MOCOS: variants seen among roughly 807,000 people sequenced by gnomAD.
MOCOS encodes the protein human molybdenum cofactor sulfurase.
Under a neutral mutation model 83.6 loss-of-function variants are expected in MOCOS, and 86 were observed. That is an observed-to-expected ratio of 1.03 (90% confidence interval 0.86 to 1.23). The LOEUF (loss-of-function observed/expected upper bound fraction) is 1.23, where lower values mean the gene tolerates loss of function less well. Among genes scored for constraint, MOCOS ranks in the 50% most tolerant of loss-of-function variants. The pLI, the probability that MOCOS is intolerant of heterozygous loss-of-function variation, is 0.00. For missense variants in MOCOS, 1,120 were observed against 1,126.9 expected (o/e 0.99, Z 0.09); for synonymous variants, 445 against 434.7 (o/e 1.02, Z -0.29).
In MOCOS at chr18:36,251,194, G is replaced by T; in HGVS notation, c.2075G>T (p.Ser692Ile). 6.2e-7 allele frequency: 1 copy of T among 1,613,630 alleles called. No individual in the cohort carries two copies. The highest frequency in any genetic ancestry group is 1.1e-5 in the South Asian group (1 of 91,062). ...TATGATTGTGGAGAAAAAATTTCAA[G>T]CTGGTTGTCAACATTTTTTGGCCGT... Reference protein sequence around the residue: ...STYDCGEKISSWLSTFFGRPC... With the variant: ...STYDCGEKISIWLSTFFGRPC... The change falls in exon 11 of 15, where the codon AGC becomes ATC. Residue 692 changes from serine to isoleucine, a missense_variant. Physicochemically the swap from Ser to Ile is moderately radical, Grantham distance 142 (BLOSUM62 -2). Transcript: ENST00000261326.
chr18:36,198,658 G>T, intron 2 of MOCOS, 32 bp from the exon 3 acceptor site: 1 of 1,611,552 alleles, frequency 6.2e-7, no homozygotes, highest in South Asian at 1.1e-5. Flanking sequence ...CCTAAGTAGT[G>T]ACTTGGTGGC....
intron 9 of MOCOS, among the ~76,000 whole-genome samples, chr18:36,244,415 A>T (rs2035218912): frequency 6.6e-6 from 1 of 152,032 alleles, no homozygotes; most frequent in African/African-American, 2.4e-5. Flanking sequence ...TTTAATTTCC[A>T]TGTCTTTGTA....
chr18:36,262,639 C>T (rs953287332), intron 13 of MOCOS, among the ~76,000 whole-genome samples: 1 of 152,106 alleles, frequency 6.6e-6, no homozygotes, highest in Non-Finnish European at 1.5e-5. Context: ...GCTGGGACTA[C>T]AGGCGTGCAC....
intron 2 of MOCOS, among the ~76,000 whole-genome samples, chr18:36,196,724 A>C (rs2091389198): frequency 6.6e-6 from 1 of 151,954 alleles, no homozygotes; most frequent in African/African-American, 2.4e-5. Context: ...GAGAGATGGC[A>C]GAGTTGAGAT....
chr18:36,208,447 ATTTG>A (rs1386750780), intron 6 of MOCOS, among the ~76,000 whole-genome samples: 2 of 151,966 alleles, frequency 1.3e-5, no homozygotes, highest in East Asian at 3.9e-4. Context: ...ATGTTTTTCC[ATTTG>A]TTTGTGTGGT....
intron 7 of MOCOS, 137 bp from the exon 8 acceptor site, chr18:36,215,379 G>T: frequency 1.2e-6 from 1 of 829,332 alleles, no homozygotes; most frequent in Non-Finnish European, 2.0e-6. Context: ...TGTCCCAGAC[G>T]CACAGCACAT....
Position 36,210,950 on chromosome 18 carries a change from C to T in MOCOS, c.1219-2416C>T, listed in dbSNP as rs895287448. On this transcript the variant is annotated intron_variant, in intron 6 of 14. Transcript: ENST00000261326. The stretch of plus-strand genomic sequence containing the variant: ...AAGAAGCCTCCAAGAAGAAGAATCA[C>T]CAGGGTGTGAGGCTGCCTGTGTGGG... Among the ~76,000 whole-genome samples, 11 of 149,616 alleles carry T rather than the reference C, an allele frequency of 7.4e-5. No individual in the cohort carries two copies. In the South Asian group the frequency reaches 2.4e-3, roughly 32 times the overall value.
At chr18:36,191,027 A>ACAAAAAAAAAG (rs2091363127) in intron 1 of MOCOS, among the ~76,000 whole-genome samples, 2 of 115,348 alleles carry the variant, frequency 1.7e-5, no homozygotes, top group East Asian at 6.8e-4. Context: ...TCTCAAAAAA[A>ACAAAAAAAAAG]AAAAGAAAAA....
At chr18:36,259,986 C>A in intron 12 of MOCOS, 51 bp from the exon 13 acceptor site, 2 of 1,607,694 alleles carry the variant, frequency 1.2e-6, no homozygotes, top group Non-Finnish European at 1.7e-6. Flanking sequence ...TATAGTGGTA[C>A]AATTATCTGC....
At chr18:36,224,453 G>A (rs1263448474) in intron 9 of MOCOS, among the ~76,000 whole-genome samples, 1 of 152,114 alleles carries the variant, frequency 6.6e-6, no homozygotes. Context: ...TTATCTTGAG[G>A]TAACATGTTC....
intron 8 of MOCOS, among the ~76,000 whole-genome samples, chr18:36,216,856 G>A (rs1205000025): frequency 6.6e-6 from 1 of 152,146 alleles, no homozygotes; most frequent in Non-Finnish European, 1.5e-5. Flanking sequence ...CACCAACATT[G>A]GGACAAATGA....
rs184841746 is a variant in MOCOS, at chr18:36,262,766, G to A, written c.2409+2591G>A. Among the ~76,000 whole-genome samples the A allele has an allele frequency of 3.3e-3, 508 of 152,246 alleles. 1 individual carries two copies. The highest frequency in any genetic ancestry group is 4.8e-3 in the Non-Finnish European group (329 of 68,022). ...TGCTAGCCTCAGCCTCCCAGTGTTGGGATTATAGGCATAGGCCACCACGCT... is the reference window on the plus strand; with the variant it reads ...TGCTAGCCTCAGCCTCCCAGTGTTGAGATTATAGGCATAGGCCACCACGCT... On this transcript the variant is annotated intron_variant, in intron 13 of 14. Coordinates refer to ENST00000261326, the MANE Select transcript of MOCOS (RefSeq NM_017947.4).
chr18:36,243,613 G>A lies in MOCOS; in HGVS notation c.1961-5309G>A, dbSNP rs530595971. Among the ~76,000 whole-genome samples, 63 of 152,110 alleles carry A rather than the reference G, an allele frequency of 4.1e-4. 1 individual carries two copies. The highest frequency in any genetic ancestry group is 1.5e-4 in the Non-Finnish European group (10 of 67,970). ...TGTCCTTTCCTGGTTTTGGTATTAG[G>A]GTGATACTGGCTTTATAGAATGATT... On this transcript the variant is annotated intron_variant, in intron 9 of 14. Coordinates refer to ENST00000261326, the MANE Select transcript of MOCOS (RefSeq NM_017947.4).
intron 9 of MOCOS, among the ~76,000 whole-genome samples, chr18:36,242,039 A>G (rs148703278): frequency 1.5e-3 from 236 of 152,362 alleles, no homozygotes; most frequent in African/African-American, 5.5e-3. Flanking sequence ...AGGATCTCTG[A>G]CATGCCCTGG....
intron 1 of MOCOS, among the ~76,000 whole-genome samples, chr18:36,193,564 T>A (rs1435907786): frequency 3.9e-5 from 6 of 152,070 alleles, no homozygotes; most frequent in Non-Finnish European, 7.4e-5. Context: ...GACCCCTACC[T>A]CATTCTGCAT....
At chr18:36,258,487 T>G (rs892363849) in intron 12 of MOCOS, among the ~76,000 whole-genome samples, 1 of 152,176 alleles carries the variant, frequency 6.6e-6, no homozygotes, top group Non-Finnish European at 1.5e-5. Flanking sequence ...GTGGTCCTCA[T>G]AGGTTGTGGG....
intron 8 of MOCOS, 35 bp from the exon 9 acceptor site, chr18:36,220,020 G>A: frequency 2.5e-6 from 4 of 1,611,948 alleles, no homozygotes; most frequent in East Asian, 2.2e-5. Flanking sequence ...ACTTTGGGGA[G>A]CCCTGGCCTG....
chr18:36,233,827 T>TA (rs1459493428), intron 9 of MOCOS, among the ~76,000 whole-genome samples: 5 of 152,196 alleles, frequency 3.3e-5, no homozygotes, highest in Non-Finnish European at 7.4e-5. Context: ...GCCATTTGTA[T>TA]ATCTTCTTTT....
chr18:36,219,724 A>G lies in MOCOS; in HGVS notation c.1798-331A>G, dbSNP rs2091488930. Among the ~76,000 whole-genome samples, 3 of 152,230 alleles carry G rather than the reference A, an allele frequency of 2.0e-5. No homozygotes were observed. In the South Asian group the frequency reaches 6.2e-4, roughly 32 times the overall value. On this transcript the variant is annotated intron_variant, in intron 8 of 14. Transcript: ENST00000261326. Reference sequence around the variant, plus strand: ...ACAAATTAAAAAACAGCAAAAAAAGAGCAATGGCTGGAGCCAGCTGGGAAA... The same window carrying G: ...ACAAATTAAAAAACAGCAAAAAAAGGGCAATGGCTGGAGCCAGCTGGGAAA...
Sources: gnomAD v4.1 joint callset for allele counts (sites outside exome capture counted in the v4.1 genomes callset) on GRCh38, gnomAD v4.1.1 for gene constraint, MANE v1.5 for transcripts, NCBI Gene and HGNC (gene_info 2026-07-23, HGNC 2026-07-21) for gene names.